Variants in SAMD4A observed in about 807,000 individuals in gnomAD.
The protein encoded by SAMD4A is protein Smaug homolog 1.
Under a neutral mutation model 81.3 loss-of-function variants are expected in SAMD4A, and 33 were observed. That is an observed-to-expected ratio of 0.41 (90% confidence interval 0.31 to 0.54). The LOEUF is 0.54. SAMD4A is among the 20% of genes least tolerant of loss of function. The pLI is 0.37. For synonymous variants in SAMD4A, 389 were observed against 382.1 expected, an observed-to-expected ratio of 1.02 and a Z score of -0.21; for missense variants, 854 against 951.1, an observed-to-expected ratio of 0.90 and a Z score of 1.34.
Position 54,792,094 on chromosome 14 carries a change from T to C in SAMD4A, c.*3150T>C, listed in dbSNP as rs2039268056. Reference sequence around the variant, plus strand: ...CATAGTGGCTTCTTACCAGAAACAGTAGGAAGAAACACATGAACTGTGTAC... The same window carrying C: ...CATAGTGGCTTCTTACCAGAAACAGCAGGAAGAAACACATGAACTGTGTAC... On this transcript the variant is annotated 3_prime_UTR_variant, in exon 13 of 13. Coordinates refer to ENST00000554335, the MANE Select transcript of SAMD4A (RefSeq NM_015589.6). The C allele has an allele frequency of 6.6e-6, 1 of 152,210 alleles. No homozygotes were observed. Among genetic ancestry groups the C allele is most frequent in the South Asian group, 2.1e-4 (1 of 4,830 alleles). The allele number at this position is 152,210 out of a possible 1,614,324, so 9.4% of individuals were successfully genotyped here.
At chr14:54,763,584 G>A (rs1360523067) in intron 7 of SAMD4A, among the ~76,000 whole-genome samples, 1 of 152,192 alleles carries the variant, frequency 6.6e-6, no homozygotes, top group Non-Finnish European at 1.5e-5. Flanking sequence ...ATGGGATTGT[G>A]TGACCAATCA....
At chr14:54,685,697 C>T (rs1237968906) in intron 2 of SAMD4A, 3 of 456,578 alleles carry the variant, frequency 6.6e-6, no homozygotes, top group African/African-American at 4.0e-5. Flanking sequence ...GGTGGAAAGG[C>T]TCCCCATGGT....
At chr14:54,685,991 C>T (rs749845366) in intron 2 of SAMD4A, 3 of 411,940 alleles carry the variant, frequency 7.3e-6, no homozygotes, top group Non-Finnish European at 1.5e-5. Context: ...CTGTGAAGCT[C>T]ATACAAAGGT....
chr14:54,586,192 G>A (rs1195185945), intron 2 of SAMD4A, among the ~76,000 whole-genome samples: 5 of 152,134 alleles, frequency 3.3e-5, no homozygotes, highest in Non-Finnish European at 7.4e-5. Context: ...TAGTGATGTT[G>A]AGCATTTTTC....
At chr14:54,697,130 C>T (rs1411209207) in intron 2 of SAMD4A, among the ~76,000 whole-genome samples, 1 of 152,228 alleles carries the variant, frequency 6.6e-6, no homozygotes, top group Non-Finnish European at 1.5e-5. Flanking sequence ...TGGACAGGAC[C>T]TAGCCAGTGT....
chr14:54,692,926 A>G (rs2036486218), intron 2 of SAMD4A: 1 of 139,000 alleles, frequency 7.2e-6, no homozygotes, highest in Admixed American at 7.4e-5. Flanking sequence ...CCCTGTTGAC[A>G]TTGTTTTTCT....
intron 2 of SAMD4A, among the ~76,000 whole-genome samples, chr14:54,591,651 G>A (rs2033779835): frequency 6.6e-6 from 1 of 152,032 alleles, no homozygotes. Flanking sequence ...CATTCATGGT[G>A]ATTGTAGCCT....
At chr14:54,767,969 C>T (rs1036587844) in intron 8 of SAMD4A, among the ~76,000 whole-genome samples, 4 of 152,152 alleles carry the variant, frequency 2.6e-5, no homozygotes, top group Admixed American at 6.5e-5. Flanking sequence ...GGGAATGCGC[C>T]GACCTCCCCA....
chr14:54,654,340 C>T (rs1057135991), intron 2 of SAMD4A, among the ~76,000 whole-genome samples: 3 of 152,122 alleles, frequency 2.0e-5, no homozygotes, highest in South Asian at 2.1e-4. Flanking sequence ...CAGATGGGAG[C>T]TTAGCAAGAA....
intron 2 of SAMD4A, among the ~76,000 whole-genome samples, chr14:54,623,566 C>T (rs2034672877): frequency 6.9e-6 from 1 of 143,924 alleles, no homozygotes; most frequent in Non-Finnish European, 1.5e-5. Flanking sequence ...TTGTTGGCCA[C>T]TGGAAAAATA....
chr14:54,618,403 A>G (rs965303002), intron 2 of SAMD4A, among the ~76,000 whole-genome samples: 3 of 152,240 alleles, frequency 2.0e-5, no homozygotes, highest in Admixed American at 6.5e-5. Context: ...ACCAAGAGAT[A>G]ATAAATTTAC....
chr14:54,660,360 G>A (rs376261916), intron 2 of SAMD4A, among the ~76,000 whole-genome samples: 1 of 152,216 alleles, frequency 6.6e-6, no homozygotes, highest in Admixed American at 6.5e-5. Flanking sequence ...AGCCAGCCCA[G>A]GCAGTTGTCA....
chr14:54,568,739 A>G (rs1338030195), intron 2 of SAMD4A, among the ~76,000 whole-genome samples: 3 of 100,988 alleles, frequency 3.0e-5, no homozygotes, highest in Admixed American at 1.2e-4. Context: ...ATATATATAT[A>G]TAATGCGGTT....
At chr14:54,761,306 C>T (rs889540600) in intron 7 of SAMD4A, among the ~76,000 whole-genome samples, 1 of 152,184 alleles carries the variant, frequency 6.6e-6, no homozygotes, top group African/African-American at 2.4e-5. Context: ...TGCAGTCTCT[C>T]CATCATGCAC....
chr14:54,792,982 T>C lies in SAMD4A; in HGVS notation c.*4038T>C, dbSNP rs1473988063. On this transcript the variant is annotated 3_prime_UTR_variant, in exon 13 of 13. Transcript: ENST00000554335. Reference sequence around the variant, plus strand: ...TACATGCATGCCTTTCGTCCTGTTTTCCTGTATAAAGTTAGTGAACAAAGA... The same window carrying C: ...TACATGCATGCCTTTCGTCCTGTTTCCCTGTATAAAGTTAGTGAACAAAGA... The C allele has an allele frequency of 1.3e-5, 2 of 152,254 alleles. No individual in the cohort carries two copies. The highest frequency in any genetic ancestry group is 2.9e-5 in the Non-Finnish European group (2 of 68,048). The allele number at this position is 152,254 out of a possible 1,614,324, so 9.4% of individuals were successfully genotyped here.
At chr14:54,605,695 C>T (rs1372837896) in intron 2 of SAMD4A, among the ~76,000 whole-genome samples, 1 of 151,966 alleles carries the variant, frequency 6.6e-6, no homozygotes, top group Non-Finnish European at 1.5e-5. Context: ...TTCTGTATTG[C>T]TCCATTGTTT....
rs2034889339 is a variant in SAMD4A at position 54,630,974 on chromosome 14, A to T, written c.196+62862A>T. Among the ~76,000 whole-genome samples, 4 of 148,540 alleles carry T rather than the reference A, an allele frequency of 2.7e-5. No homozygotes were observed. The South Asian group carries it at 8.6e-4, about 32-fold the overall frequency. On this transcript the variant is annotated intron_variant, in intron 2 of 12. Transcript: ENST00000554335. Reference sequence around the variant, plus strand: ...TGTGTGTGATGAGAAATCGGCTCACATGTGTATGAAGGCTGACAAGAGCTG... The same window carrying T: ...TGTGTGTGATGAGAAATCGGCTCACTTGTGTATGAAGGCTGACAAGAGCTG...
intron 2 of SAMD4A, among the ~76,000 whole-genome samples, chr14:54,659,787 T>G (rs530598974): frequency 5.4e-4 from 82 of 152,316 alleles, no homozygotes; most frequent in Non-Finnish European, 9.3e-4. Flanking sequence ...CTACTTGTGC[T>G]GCAACATTAC....
intron 5 of SAMD4A, among the ~76,000 whole-genome samples, chr14:54,749,800 A>G (rs2038056218): frequency 6.6e-6 from 1 of 152,258 alleles, no homozygotes; most frequent in Admixed American, 6.5e-5. Context: ...AAAAGAATCG[A>G]TGGTCTGAAT....
Sources: allele counts gnomAD v4.1 joint callset (sites outside exome capture counted in the v4.1 genomes callset), GRCh38; gene constraint gnomAD v4.1.1; transcripts MANE v1.5; gene names NCBI Gene and HGNC (gene_info 2026-07-23, HGNC 2026-07-21).